Variants in KSR2 observed in about 807,000 individuals in gnomAD.
The protein encoded by KSR2 is kinase suppressor of ras 2.
A neutral mutation model predicts 107.8 loss-of-function variants in KSR2; 25 were observed. The ratio of observed to expected loss-of-function variants is 0.23; its 90% confidence interval spans 0.17 to 0.32. KSR2 has a LOEUF of 0.32. Ranked by LOEUF, KSR2 falls within the 10% of genes least tolerant of loss-of-function variation. The probability of loss-of-function intolerance (pLI) is 1.00; values close to 1 mark genes in which losing one functional copy is unlikely to be tolerated. For missense variants in KSR2, 887 were observed against 1,268.9 expected (o/e 0.70, Z 4.57); for synonymous variants, 480 against 507.0 (o/e 0.95, Z 0.71).
intron 5 of KSR2, among the ~76,000 whole-genome samples, chr12:117,664,788 T>C (rs932248641): frequency 7.2e-5 from 11 of 152,146 alleles, no homozygotes; most frequent in African/African-American, 2.7e-4. Flanking sequence ...GACAAATTCA[T>C]GCACCATTCT....
In KSR2 at chr12:117,855,531, C is replaced by T. The variant is rs778896956; in HGVS notation, c.369G>A (p.Thr123=). ...CCACAGTCTCGCACACCTGTTCATCCGTCATCTCCAAGAGGTCCTCCAGGC... is the reference window on the plus strand; with the variant it reads ...CCACAGTCTCGCACACCTGTTCATCTGTCATCTCCAAGAGGTCCTCCAGGC... The part of the protein sequence containing the change: ...QLSLEDLLEM[T]DEQVCETVEK... Residue 123 remains threonine (T), a synonymous_variant, in exon 3 of 20, where the codon ACG becomes ACA. Transcript: ENST00000339824. 1.1e-5 allele frequency: 17 copies of T among 1,613,884 alleles called. No homozygotes were observed. The highest frequency in any genetic ancestry group is 1.4e-5 in the Non-Finnish European group (17 of 1,179,894).
At chr12:117,745,123 C>G (rs1239497485) in intron 4 of KSR2, among the ~76,000 whole-genome samples, 2 of 152,094 alleles carry the variant, frequency 1.3e-5, no homozygotes, top group African/African-American at 4.8e-5. Flanking sequence ...AAACTCAGGC[C>G]ACCTGGTTCC....
chr12:117,556,824 GGCAGCCA>G (rs946064329), intron 8 of KSR2, among the ~76,000 whole-genome samples: 2 of 152,160 alleles, frequency 1.3e-5, no homozygotes, highest in African/African-American at 4.8e-5. Flanking sequence ...CTTGCAGGGA[GGCAGCCA>G]GCATGACTTT....
chr12:117,813,617 T>A (rs1004796529), intron 3 of KSR2, among the ~76,000 whole-genome samples: 7 of 152,164 alleles, frequency 4.6e-5, no homozygotes, highest in Non-Finnish European at 1.0e-4. Context: ...GAATGGCTAC[T>A]ATCAGAAAGA....
intron 5 of KSR2, among the ~76,000 whole-genome samples, chr12:117,639,488 C>G (rs1042053852): frequency 6.6e-6 from 1 of 151,048 alleles, no homozygotes; most frequent in South Asian, 2.1e-4. Context: ...CACCACCATG[C>G]CCGGCTAATT....
At chr12:117,506,796 T>C (rs951636288) in intron 14 of KSR2, among the ~76,000 whole-genome samples, 1 of 152,196 alleles carries the variant, frequency 6.6e-6, no homozygotes, top group African/African-American at 2.4e-5. Context: ...CCTGGAGATA[T>C]ATATATGTCA....
intron 1 of KSR2, among the ~76,000 whole-genome samples, chr12:117,940,319 T>C (rs1895970697): frequency 6.6e-6 from 1 of 152,180 alleles, no homozygotes; most frequent in Admixed American, 6.6e-5. Context: ...CCCAGCAAAC[T>C]CTCTGTTTTG....
At chr12:117,682,489 C>T (rs182034118) in intron 4 of KSR2, among the ~76,000 whole-genome samples, 1 of 152,118 alleles carries the variant, frequency 6.6e-6, no homozygotes, top group African/African-American at 2.4e-5. Flanking sequence ...GCAATCTCGG[C>T]TCACCGCAAC....
chr12:117,795,241 T>C (rs1890579367), intron 3 of KSR2, among the ~76,000 whole-genome samples: 1 of 152,190 alleles, frequency 6.6e-6, no homozygotes, highest in South Asian at 2.1e-4. Context: ...CCCTGTACAC[T>C]TCAGGGATGA....
chr12:117,807,413 G>A (rs183694063), intron 3 of KSR2, among the ~76,000 whole-genome samples: 87 of 152,272 alleles, frequency 5.7e-4, no homozygotes, highest in Admixed American at 2.8e-3. Flanking sequence ...GGGTTCCACC[G>A]AATAATACTA....
At chr12:117,605,482 C>G (rs1407239265) in intron 5 of KSR2, among the ~76,000 whole-genome samples, 1 of 152,164 alleles carries the variant, frequency 6.6e-6, no homozygotes, top group Non-Finnish European at 1.5e-5. Flanking sequence ...CTACACCTAT[C>G]AACCCATCAC....
rs11068499 is a variant in KSR2 at position 117,455,126 on chromosome 12, G to A, written c.*12073C>T. The stretch of plus-strand genomic sequence containing the variant: ...CAGGCCTGAGGTGGCCTGAGTACTG[G>A]TCTGACTCCAGCAAGCACAAAACTC... On this transcript the variant is annotated 3_prime_UTR_variant, in exon 20 of 20. Coordinates refer to ENST00000339824, the MANE Select transcript of KSR2 (RefSeq NM_173598.6). The A allele has an allele frequency of 0.13, 19,850 of 151,726 alleles. 1,474 individuals are homozygous for A. The highest frequency in any genetic ancestry group is 0.19 in the East Asian group (972 of 5,106). The allele number at this position is 151,726 out of a possible 1,614,324, so 9.4% of individuals were successfully genotyped here. A position where few individuals can be genotyped will look rare whatever the true frequency, so the allele number is the denominator to read the frequency against.
chr12:117,779,884 G>A (rs764662657), intron 3 of KSR2, among the ~76,000 whole-genome samples: 8 of 152,048 alleles, frequency 5.3e-5, no homozygotes, highest in Non-Finnish European at 8.8e-5. Context: ...ACACACTATC[G>A]TTGCTATCAT....
At chr12:117,642,566 T>C (rs559851902) in intron 5 of KSR2, among the ~76,000 whole-genome samples, 1 of 152,312 alleles carries the variant, frequency 6.6e-6, no homozygotes, top group African/African-American at 2.4e-5. Flanking sequence ...AGCTGGACCA[T>C]GTTGTCCTCA....
chr12:117,927,066 T>C (rs1895539152), intron 1 of KSR2, among the ~76,000 whole-genome samples: 1 of 152,180 alleles, frequency 6.6e-6, no homozygotes, highest in South Asian at 2.1e-4. Flanking sequence ...TGTCATTATA[T>C]AATTTTTTTA....
chr12:117,506,224 T>G (rs74671817), intron 14 of KSR2, among the ~76,000 whole-genome samples: 1 of 152,292 alleles, frequency 6.6e-6, no homozygotes, highest in East Asian at 1.9e-4. Context: ...CAACGAAACA[T>G]CTTCTCTGTC....
At chr12:117,941,016 C>T (rs1273853155) in intron 1 of KSR2, among the ~76,000 whole-genome samples, 1 of 151,974 alleles carries the variant, frequency 6.6e-6, no homozygotes, top group East Asian at 1.9e-4. Context: ...ACCCAGGAGG[C>T]AGAGGTTGCA....
chr12:117,860,775 A>G, intron 1 of KSR2, among the ~76,000 whole-genome samples: 1 of 152,020 alleles, frequency 6.6e-6, no homozygotes, highest in East Asian at 1.9e-4. Flanking sequence ...CTGGAGTGCA[A>G]TGGCGTGATC....
At chr12:117,629,737 A>G (rs11068587) in intron 5 of KSR2, among the ~76,000 whole-genome samples, 7,736 of 152,272 alleles carry the variant, frequency 0.051, 446 homozygotes, top group South Asian at 0.14. Flanking sequence ...AACTCTTGGA[A>G]TTGTCTTAAA....
Sources: gnomAD v4.1 joint callset for allele counts (sites outside exome capture counted in the v4.1 genomes callset) on GRCh38, gnomAD v4.1.1 for gene constraint, MANE v1.5 for transcripts, NCBI Gene and HGNC (gene_info 2026-07-23, HGNC 2026-07-21) for gene names.